MYCBP2: variants seen among roughly 807,000 people sequenced by gnomAD.
MYCBP2 encodes MYC binding protein 2.
A neutral mutation model predicts 525.3 loss-of-function variants in MYCBP2; 120 were observed. That is an observed-to-expected ratio of 0.23 (90% CI 0.20 to 0.27). The LOEUF is 0.27. MYCBP2 is among the 10% of genes least tolerant of loss of function. MYCBP2 has a pLI of 1.00. For synonymous variants in MYCBP2, 1,894 were observed against 1,955.8 expected (o/e 0.97, Z 0.83); for missense variants, 4,149 against 5,657.1 (o/e 0.73, Z 8.55).
intron 35 of MYCBP2, 106 bp from the exon 36 acceptor site, chr13:77,176,734 T>C: frequency 2.1e-6 from 2 of 954,822 alleles, no homozygotes; most frequent in Non-Finnish European, 2.8e-6. Flanking sequence ...TTCTTGAATA[T>C]AAAATTAGCC....
intron 1 of MYCBP2, among the ~76,000 whole-genome samples, chr13:77,316,729 C>G (rs75094931): frequency 0.028 from 4,272 of 152,244 alleles, 85 homozygotes; most frequent in East Asian, 0.053. Context: ...TTCCTTTAAT[C>G]TATGGCTAGT....
chr13:77,231,531 C>T (rs2067133912), intron 18 of MYCBP2, among the ~76,000 whole-genome samples: 1 of 152,214 alleles, frequency 6.6e-6, no homozygotes, highest in Admixed American at 6.5e-5. Flanking sequence ...CAGGCATGTG[C>T]CACTGCGCCC....
At chr13:77,169,211 A>AT (rs2058864721) in intron 39 of MYCBP2, among the ~76,000 whole-genome samples, 1 of 152,084 alleles carries the variant, frequency 6.6e-6, no homozygotes, top group East Asian at 1.9e-4. Flanking sequence ...GATCGAGACC[A>AT]CGGTGAAACC....
intron 56 of MYCBP2, among the ~76,000 whole-genome samples, chr13:77,096,795 C>T (rs1048589281): frequency 6.6e-6 from 1 of 151,984 alleles, no homozygotes; most frequent in Non-Finnish European, 1.5e-5. Flanking sequence ...TATAAAAGTT[C>T]TATAACAATG....
At chr13:77,108,815 C>T (rs529088330) in intron 55 of MYCBP2, among the ~76,000 whole-genome samples, 144 of 152,088 alleles carry the variant, frequency 9.5e-4, no homozygotes, top group African/African-American at 3.0e-3. Context: ...ACCATTCTCC[C>T]GCCTCAGCTT....
rs1284783545 is a variant in MYCBP2, at chr13:77,326,562, C to A, written c.214G>T (p.Ala72Ser). 2 of 1,597,654 alleles carry A rather than the reference C, an allele frequency of 1.3e-6. No individual in the cohort carries two copies. The highest frequency in any genetic ancestry group is 1.1e-5 in the South Asian group (1 of 90,330). The change falls in exon 1 of 83, where the codon GCC becomes TCC. Residue 72 changes from alanine (A) to serine (S), a missense_variant. By Grantham distance (99) the Ala-to-Ser change is moderately conservative. Around this residue, in one of 21 missense-constraint regions of MYCBP2, gnomAD observed 413 missense variants for 451.2 expected, o/e 0.92. Coordinates refer to ENST00000544440, the MANE Select transcript of MYCBP2 (RefSeq NM_015057.5). The surrounding 1 kb of genome is among the most constrained non-coding windows in gnomAD (Gnocchi z 4.2). The stretch of plus-strand genomic sequence containing the variant: ...ATCCTCCGGTAGCGGTCGGCCAGGG[C>A]CCGGCCTGACAGCAGCAGCTGGTAG... ...GHYQLLLSGR[A>S]LADRYRRIYT...
chr13:77,222,203 T>C (rs1458138543), intron 20 of MYCBP2, among the ~76,000 whole-genome samples: 3 of 152,298 alleles, frequency 2.0e-5, no homozygotes, highest in East Asian at 3.9e-4. Context: ...AAAATATCAG[T>C]TGGCATCTAA....
At chr13:77,211,146 T>C (rs2063957575) in intron 23 of MYCBP2, 21 bp downstream of exon 23, 5 of 1,411,836 alleles carry the variant, frequency 3.5e-6, no homozygotes, top group Non-Finnish European at 4.6e-6. Context: ...TATTGACTAT[T>C]TTATAAACTG....
intron 14 of MYCBP2, among the ~76,000 whole-genome samples, chr13:77,256,600 T>C (rs1029400192): frequency 1.4e-4 from 21 of 152,156 alleles, no homozygotes; most frequent in Non-Finnish European, 2.5e-4. Context: ...AAAGTAGACA[T>C]ATGAATAGCA....
intron 2 of MYCBP2, among the ~76,000 whole-genome samples, chr13:77,293,665 G>A (rs531450883): frequency 1.3e-5 from 2 of 152,308 alleles, no homozygotes; most frequent in East Asian, 1.9e-4. Flanking sequence ...GTGAAAGAGG[G>A]AGGCTGGACA....
intron 8 of MYCBP2, among the ~76,000 whole-genome samples, chr13:77,267,391 C>CATAAA (rs142662799): frequency 7.4e-5 from 11 of 148,932 alleles, no homozygotes; most frequent in South Asian, 2.1e-4. Context: ...ACCCCTTTAA[C>CATAAA]ATAAAATAAA....
intron 22 of MYCBP2, 27 bp downstream of exon 22, chr13:77,211,929 G>A: frequency 6.5e-7 from 1 of 1,532,758 alleles, no homozygotes. Context: ...GAGTTTGGAA[G>A]GGGCATTTGT....
At chr13:77,233,436 T>G (rs1239710322) in intron 17 of MYCBP2, among the ~76,000 whole-genome samples, 173 bp from the exon 18 acceptor site, 5 of 102,868 alleles carry the variant, frequency 4.9e-5, no homozygotes, top group Non-Finnish European at 8.7e-5. Context: ...CATAACCTAA[T>G]CACCATTTCA....
intron 24 of MYCBP2, 142 bp downstream of exon 24, chr13:77,206,511 T>G (rs2063356287): frequency 2.6e-6 from 2 of 761,094 alleles, no homozygotes; most frequent in Non-Finnish European, 3.8e-6. Context: ...GGAATTAGCC[T>G]CTTAGAGGAT....
rs370071486 is a variant in MYCBP2, at chr13:77,144,575, G to A, written c.7188-15C>T. 11 of 1,548,810 alleles carry A rather than the reference G, an allele frequency of 7.1e-6. No homozygotes were observed. Among genetic ancestry groups the A allele is most frequent in the Non-Finnish European group, 9.8e-6 (11 of 1,121,206 alleles). On this transcript the variant is annotated splice_polypyrimidine_tract_variant and intron_variant, in intron 48 of 82. Coordinates refer to ENST00000544440, the MANE Select transcript of MYCBP2 (RefSeq NM_015057.5). ...TCTCACTGGGTCTGAAAAGAAATAA[G>A]ATGGATATTGGAAATTTTACTTTTG... is the stretch of plus-strand genomic sequence containing the variant.
chr13:77,083,075 T>C lies in MYCBP2; in HGVS notation c.10993A>G (p.Met3665Val), dbSNP rs1318579447. Reference sequence around the variant, plus strand: ...AATGAACTGCCGCTGGGGAGAGACATCATAAGGTCTGAGATGGTCTGCAGC... The same window carrying C: ...AATGAACTGCCGCTGGGGAGAGACACCATAAGGTCTGAGATGGTCTGCAGC... ...RLLQTISDLM[M>V]SLPSGSSLQQ... The change falls in exon 63 of 83, where the codon ATG becomes GTG. Residue 3665 changes from methionine (M) to valine (V), a missense_variant. Physicochemically the swap from Met to Val is conservative, Grantham distance 21. Around this residue, in one of 21 missense-constraint regions of MYCBP2, gnomAD observed 509 missense variants for 789.4 expected, o/e 0.64. Coordinates refer to ENST00000544440, the MANE Select transcript of MYCBP2 (RefSeq NM_015057.5). 6.2e-7 allele frequency: 1 copy of C among 1,613,408 alleles called. No homozygotes were observed. The highest frequency in any genetic ancestry group is 8.5e-7 in the Non-Finnish European group (1 of 1,179,592).
At chr13:77,136,635 T>C (rs1468484694) in intron 52 of MYCBP2, among the ~76,000 whole-genome samples, 2 of 152,226 alleles carry the variant, frequency 1.3e-5, no homozygotes, top group Admixed American at 6.5e-5. Context: ...TCATTGAGTC[T>C]TTAGTGGCCC....
At chr13:77,212,975 G>C (rs148333398) in intron 21 of MYCBP2, among the ~76,000 whole-genome samples, 1 of 152,080 alleles carries the variant, frequency 6.6e-6, no homozygotes, top group African/African-American at 2.4e-5. Context: ...CTCTGGTCAC[G>C]TTCTCATCCA....
chr13:77,260,003 G>A (rs2072981801), intron 13 of MYCBP2, among the ~76,000 whole-genome samples: 1 of 152,172 alleles, frequency 6.6e-6, no homozygotes, highest in Non-Finnish European at 1.5e-5. Context: ...ACTGTGCTGG[G>A]CACTGGGGAT....
Sources: gnomAD v4.1 joint callset for allele counts (sites outside exome capture counted in the v4.1 genomes callset) on GRCh38, gnomAD v4.1.1 for gene constraint, gnomAD v4.1.1 regional missense constraint, Gnocchi (gnomAD v3.1) non-coding constraint, MANE v1.5 for transcripts, NCBI Gene and HGNC (gene_info 2026-07-23, HGNC 2026-07-21) for gene names.